The following NOL4L variants were observed in gnomAD, a reference collection of about 807,000 sequenced individuals.
The protein encoded by NOL4L is nucleolar protein 4-like.
In NOL4L, 7 loss-of-function variants were observed where a neutral mutation model predicts 64.5. The ratio of observed to expected loss-of-function variants is 0.11; its 90% CI spans 0.06 to 0.20. The LOEUF is 0.20. NOL4L is among the 10% of genes least tolerant of loss of function. The pLI is 1.00. For missense variants in NOL4L, 680 were observed against 967.1 expected (o/e 0.70, Z 3.94); for synonymous variants, 413 against 401.0 (o/e 1.03, Z -0.36).
chr20:32,475,027 T>C (rs1035378068), intron 4 of NOL4L: 1 of 985,300 alleles, frequency 1.0e-6, no homozygotes, highest in Non-Finnish European at 1.2e-6. Flanking sequence ...AGGGCCTGGC[T>C]CTTACCCTTG....
In NOL4L at chr20:32,455,621, G is replaced by A. The variant is rs542530915; in HGVS notation, c.1119+497C>T. Among the ~76,000 whole-genome samples the A allele has an allele frequency of 5.9e-5, 9 of 152,274 alleles. No individual in the cohort carries two copies. In the East Asian group the frequency reaches 9.7e-4, roughly 16 times the overall value. ...GGGGGATGCCCACTGGTAGGGGTACGTACTGTGCCCACCCTTACCACCGTC... is the reference window on the plus strand; with the variant it reads ...GGGGGATGCCCACTGGTAGGGGTACATACTGTGCCCACCCTTACCACCGTC... On this transcript the variant is annotated intron_variant, in intron 6 of 10. Coordinates refer to ENST00000621426, the MANE Select transcript of NOL4L (RefSeq NM_001256798.2).
chr20:32,531,345 G>A (rs77588107), intron 1 of NOL4L, among the ~76,000 whole-genome samples: 5,655 of 152,042 alleles, frequency 0.037, 134 homozygotes, highest in South Asian at 0.073. Flanking sequence ...GGGGCCTTAG[G>A]TGGGTTACTT....
intron 1 of NOL4L, among the ~76,000 whole-genome samples, chr20:32,536,699 C>T (rs1206197141): frequency 6.7e-6 from 1 of 149,646 alleles, no homozygotes; most frequent in Non-Finnish European, 1.5e-5. Flanking sequence ...ATCCCCTCTC[C>T]CCGGAGCTGG....
At chr20:32,541,521 C>CCGCCA (rs1312345340) in intron 1 of NOL4L, among the ~76,000 whole-genome samples, 1 of 152,158 alleles carries the variant, frequency 6.6e-6, no homozygotes, top group African/African-American at 2.4e-5. Context: ...GGCTGATGGG[C>CCGCCA]CGCCTGAAGC....
At chr20:32,527,716 G>A in intron 2 of NOL4L, 42 bp downstream of exon 2, 3 of 1,522,192 alleles carry the variant, frequency 2.0e-6, no homozygotes, top group Non-Finnish European at 2.7e-6. Flanking sequence ...CTCCTGCCAA[G>A]GCCTGGGGCT....
chr20:32,578,539 A>C (rs113243096), intron 1 of NOL4L, among the ~76,000 whole-genome samples: 1,920 of 152,218 alleles, frequency 0.013, 50 homozygotes, highest in African/African-American at 0.043. Context: ...GTGCGTGCCA[A>C]CATGCCTGAG....
At chr20:32,541,570 G>T (rs1356045441) in intron 1 of NOL4L, among the ~76,000 whole-genome samples, 1 of 152,210 alleles carries the variant, frequency 6.6e-6, no homozygotes. Context: ...CCGCCAGCAG[G>T]AGAGACCAGC....
At chr20:32,490,771 G>C (rs1600745362) in intron 4 of NOL4L, among the ~76,000 whole-genome samples, 2 of 152,144 alleles carry the variant, frequency 1.3e-5, no homozygotes. Flanking sequence ...TTTTCAAAAA[G>C]TCTTGCTTTA....
intron 1 of NOL4L, among the ~76,000 whole-genome samples, chr20:32,528,651 C>T (rs771556452): frequency 3.3e-4 from 50 of 151,968 alleles, no homozygotes; most frequent in Non-Finnish European, 6.5e-4. Flanking sequence ...GTGGGGCTGA[C>T]GCCTGCCCTC....
intron 1 of NOL4L, among the ~76,000 whole-genome samples, chr20:32,560,442 C>T (rs1978939545): frequency 6.6e-6 from 1 of 152,248 alleles, no homozygotes; most frequent in Admixed American, 6.5e-5. Flanking sequence ...ACCCCCGACC[C>T]AGGTCTACCT....
chr20:32,509,749 T>C, intron 4 of NOL4L: 1 of 1,275,122 alleles, frequency 7.8e-7, no homozygotes, highest in Non-Finnish European at 1.0e-6. Context: ...TAGTGAGAGA[T>C]CGCAACTTGC....
chr20:32,581,113 A>T (rs1443262736), intron 1 of NOL4L, among the ~76,000 whole-genome samples: 1 of 151,898 alleles, frequency 6.6e-6, no homozygotes, highest in Non-Finnish European at 1.5e-5. Flanking sequence ...TCATAAAGAG[A>T]TCTTATCCCC....
At chr20:32,565,518 A>C (rs992173320) in intron 1 of NOL4L, among the ~76,000 whole-genome samples, 2 of 151,734 alleles carry the variant, frequency 1.3e-5, no homozygotes, top group Non-Finnish European at 2.9e-5. Context: ...CCTGCCCCGC[A>C]CCCCCTGGGC....
intron 10 of NOL4L, among the ~76,000 whole-genome samples, chr20:32,450,585 G>A (rs531468568): frequency 1.1e-3 from 167 of 152,278 alleles, no homozygotes; most frequent in Non-Finnish European, 2.0e-3. Context: ...AGGTGTGAAC[G>A]GGCAGGCATG....
chr20:32,462,859 C>T (rs972544458), intron 5 of NOL4L, among the ~76,000 whole-genome samples: 12 of 138,618 alleles, frequency 8.7e-5, no homozygotes, highest in African/African-American at 3.3e-4. Context: ...GAGACAAGAT[C>T]GCGCCATTGG....
chr20:32,569,037 G>C (rs1390973329), intron 1 of NOL4L, among the ~76,000 whole-genome samples: 1 of 152,008 alleles, frequency 6.6e-6, no homozygotes, highest in African/African-American at 2.4e-5. Flanking sequence ...CAGTGAACCA[G>C]ACAGCAAATA....
At chr20:32,574,670 A>T (rs985427228) in intron 1 of NOL4L, among the ~76,000 whole-genome samples, 2 of 152,036 alleles carry the variant, frequency 1.3e-5, no homozygotes, top group Non-Finnish European at 2.9e-5. Flanking sequence ...TGAGTCATCC[A>T]CCCAAGCAGA....
chr20:32,522,846 C>T (rs1381827870), intron 2 of NOL4L, among the ~76,000 whole-genome samples: 2 of 152,144 alleles, frequency 1.3e-5, no homozygotes, highest in Non-Finnish European at 2.9e-5. Context: ...GTGGAGGGCC[C>T]GGGGGAGGGT....
At chr20:32,517,414 C>T (rs1269297596) in intron 3 of NOL4L, among the ~76,000 whole-genome samples, 1 of 152,198 alleles carries the variant, frequency 6.6e-6, no homozygotes, top group Non-Finnish European at 1.5e-5. Flanking sequence ...AGACAGCAGG[C>T]TATAGCTGCA....
Sources: gnomAD v4.1 joint callset for allele counts (sites outside exome capture counted in the v4.1 genomes callset) on GRCh38, gnomAD v4.1.1 for gene constraint, MANE v1.5 for transcripts, NCBI Gene and HGNC (gene_info 2026-07-23, HGNC 2026-07-21) for gene names.